The following DLGAP1 variants were observed in gnomAD, a reference collection of about 807,000 sequenced individuals.
DLGAP1 encodes the protein disks large-associated protein 1.
A neutral mutation model predicts 90.8 loss-of-function variants in DLGAP1; 11 were observed. The observed-to-expected ratio is 0.12, with a 90% CI of 0.08 to 0.20. DLGAP1 has a LOEUF of 0.20. Ranked by LOEUF, DLGAP1 falls within the 10% of genes least tolerant of loss-of-function variation. DLGAP1 has a pLI of 1.00. For synonymous variants in DLGAP1, 558 were observed against 540.7 expected, an observed-to-expected ratio of 1.03 and a Z score of -0.44; for missense variants, 1,050 against 1,333.8, an observed-to-expected ratio of 0.79 and a Z score of 3.31.
At chr18:3,516,629 C>T (rs2050862001) in intron 10 of DLGAP1, among the ~76,000 whole-genome samples, 1 of 152,162 alleles carries the variant, frequency 6.6e-6, no homozygotes, top group African/African-American at 2.4e-5. Flanking sequence ...AATGGACTCA[C>T]AGTTCCACAT....
chr18:3,906,165 A>G (rs2071901874), intron 3 of DLGAP1, among the ~76,000 whole-genome samples: 1 of 152,218 alleles, frequency 6.6e-6, no homozygotes, highest in Admixed American at 6.5e-5. Flanking sequence ...GTCCATCTTT[A>G]TAGTAGAAAA....
At chr18:4,219,470 C>T (rs2078031898) in intron 1 of DLGAP1, among the ~76,000 whole-genome samples, 1 of 152,024 alleles carries the variant, frequency 6.6e-6, no homozygotes, top group Non-Finnish European at 1.5e-5. Flanking sequence ...TGCAGAAGCT[C>T]TTTAGTTTGA....
At chr18:4,051,963 T>C (rs2075139972) in intron 2 of DLGAP1, among the ~76,000 whole-genome samples, 1 of 152,226 alleles carries the variant, frequency 6.6e-6, no homozygotes, top group African/African-American at 2.4e-5. Flanking sequence ...TGATCTTCTT[T>C]GACTCCATGT....
chr18:4,132,076 G>A (rs2076325920), intron 2 of DLGAP1, among the ~76,000 whole-genome samples: 1 of 151,636 alleles, frequency 6.6e-6, no homozygotes, highest in Non-Finnish European at 1.5e-5. Flanking sequence ...GCTAATTCTT[G>A]AAGCTTGGCA....
chr18:3,972,575 G>A (rs1561828), intron 3 of DLGAP1, among the ~76,000 whole-genome samples: 59,892 of 151,742 alleles, frequency 0.39, 12,015 homozygotes, highest in Non-Finnish European at 0.42. Context: ...ATATAGATAA[G>A]TAGATCTGTG....
At chr18:3,549,321 C>A (rs543874533) in intron 9 of DLGAP1, among the ~76,000 whole-genome samples, 1 of 150,074 alleles carries the variant, frequency 6.7e-6, no homozygotes, top group African/African-American at 2.5e-5. Flanking sequence ...TCCTATTCCT[C>A]ACTTTCTCTC....
rs71366673 is a variant in DLGAP1, at chr18:3,507,321, T to TAAAACAAAACAAAACAAAACAAAAC, written c.2571+1224_2571+1248dup. Among the ~76,000 whole-genome samples the TAAAACAAAACAAAACAAAACAAAAC allele has an allele frequency of 2.0e-3, 294 of 148,284 alleles. 2 individuals carry two copies. Among genetic ancestry groups the TAAAACAAAACAAAACAAAACAAAAC allele is most frequent in the Middle Eastern group, 0.014 (4 of 292 alleles). On this transcript the variant is annotated intron_variant, in intron 11 of 12. Transcript: ENST00000315677. ...TAACACCATGAAAACCCGTCTCTAC[T>TAAAACAAAACAAAACAAAACAAAAC]AAAACAAAACAAAACAAAACAAAAC...
intron 2 of DLGAP1, among the ~76,000 whole-genome samples, chr18:4,021,360 T>G (rs2074605413): frequency 6.6e-6 from 1 of 152,066 alleles, no homozygotes. Flanking sequence ...GAGATCTGGT[T>G]GCTTAAAAGT....
chr18:3,582,964 C>T (rs2055615787), intron 7 of DLGAP1, among the ~76,000 whole-genome samples: 1 of 151,460 alleles, frequency 6.6e-6, no homozygotes, highest in Non-Finnish European at 1.5e-5. Context: ...CTGTGTTGCC[C>T]AGGCTGGTCT....
chr18:4,371,198 T>A (rs570529644), intron 1 of DLGAP1, among the ~76,000 whole-genome samples: 1 of 152,292 alleles, frequency 6.6e-6, no homozygotes, highest in Admixed American at 6.5e-5. Flanking sequence ...CTCACGGAGT[T>A]TATAGTCTAG....
intron 7 of DLGAP1, among the ~76,000 whole-genome samples, chr18:3,694,654 A>G (rs2061021671): frequency 6.6e-6 from 1 of 152,184 alleles, no homozygotes; most frequent in African/African-American, 2.4e-5. Context: ...ACATTTTTTC[A>G]TACGTTTGTT....
chr18:3,591,218 C>A (rs558427359), intron 7 of DLGAP1, among the ~76,000 whole-genome samples: 2 of 151,522 alleles, frequency 1.3e-5, no homozygotes, highest in Non-Finnish European at 2.9e-5. Flanking sequence ...AAGCCACAGG[C>A]TATTTTAGAA....
At chr18:4,380,959 G>A (rs1458442047) in intron 1 of DLGAP1, among the ~76,000 whole-genome samples, 1 of 152,132 alleles carries the variant, frequency 6.6e-6, no homozygotes, top group Admixed American at 6.6e-5. Context: ...TACAGTGTGA[G>A]GCACACCCTA....
intron 3 of DLGAP1, among the ~76,000 whole-genome samples, chr18:3,959,819 G>A (rs1274794378): frequency 1.3e-5 from 2 of 152,138 alleles, no homozygotes; most frequent in Non-Finnish European, 2.9e-5. Flanking sequence ...GCATCTAAAT[G>A]TATTATTATT....
At chr18:4,438,541 C>A (rs1216081891) in intron 1 of DLGAP1, among the ~76,000 whole-genome samples, 1 of 151,498 alleles carries the variant, frequency 6.6e-6, no homozygotes, top group East Asian at 1.9e-4. Context: ...CATCTTGTAC[C>A]CCTAGCCCCA....
rs115693633 is a variant in DLGAP1 at position 4,304,956 on chromosome 18, T to G, written c.-267+150050A>C. On this transcript the variant is annotated intron_variant, in intron 1 of 12. Coordinates refer to ENST00000315677, the MANE Select transcript of DLGAP1 (RefSeq NM_004746.4). ...CAAAAAAAAAAAAAAGTTGTCATTG[T>G]GAACTTTGCTAACATTATTCATTAA... Among the ~76,000 whole-genome samples the G allele has an allele frequency of 8.5e-3, 1,286 of 152,006 alleles. 24 individuals carry two copies. The highest frequency in any genetic ancestry group is 0.029 in the African/African-American group (1,215 of 41,502).
At chr18:4,188,136 A>G (rs1425864862) in intron 1 of DLGAP1, among the ~76,000 whole-genome samples, 1 of 152,130 alleles carries the variant, frequency 6.6e-6, no homozygotes, top group East Asian at 1.9e-4. Flanking sequence ...TGGTGATAAA[A>G]TTTCAAAAAT....
At chr18:4,208,953 T>A (rs148887528) in intron 1 of DLGAP1, among the ~76,000 whole-genome samples, 95 of 152,272 alleles carry the variant, frequency 6.2e-4, no homozygotes, top group African/African-American at 2.2e-3. Context: ...AGCTCCCACG[T>A]GACCACAACC....
chr18:4,421,915 C>T (rs536353213), intron 1 of DLGAP1, among the ~76,000 whole-genome samples: 4 of 152,076 alleles, frequency 2.6e-5, no homozygotes, highest in South Asian at 2.1e-4. Flanking sequence ...GATTTCACCA[C>T]GTTGGCCAGG....
Sources: gnomAD v4.1 joint callset for allele counts (sites outside exome capture counted in the v4.1 genomes callset) on GRCh38, gnomAD v4.1.1 for gene constraint, MANE v1.5 for transcripts, NCBI Gene and HGNC (gene_info 2026-07-23, HGNC 2026-07-21) for gene names.